EXD2: variants seen among roughly 807,000 people sequenced by gnomAD.
The protein encoded by EXD2 is exonuclease 3'-5' domain-containing protein 2.
Under a neutral mutation model 62.5 loss-of-function variants are expected in EXD2, and 40 were observed. The observed-to-expected ratio is 0.64, with a 90% CI of 0.50 to 0.83. The LOEUF (loss-of-function observed/expected upper bound fraction) is 0.83. Ranked by LOEUF, EXD2 falls within the 40% of genes least tolerant of loss-of-function variation. The pLI, the probability that EXD2 is intolerant of heterozygous loss-of-function variation, is 0.00. For synonymous variants in EXD2, 239 were observed against 291.9 expected, an observed-to-expected ratio of 0.82 and a Z score of 1.85; for missense variants, 671 against 761.8, an observed-to-expected ratio of 0.88 and a Z score of 1.40.
Position 69,240,945 on chromosome 14 carries a change from G to T in EXD2, c.1711G>T (p.Gly571Cys). The T allele has an allele frequency of 6.2e-7, 1 of 1,613,632 alleles. No individual in the cohort carries two copies. Among genetic ancestry groups the T allele is most frequent in the Non-Finnish European group, 8.5e-7 (1 of 1,180,014 alleles). Residue 571 changes from glycine (G) to cysteine (C), a missense_variant, in exon 10 of 10, where the codon GGC (glycine) becomes TGC (cysteine). Coordinates refer to ENST00000685843, the MANE Select transcript of EXD2 (RefSeq NM_001193360.2). The part of the protein sequence containing the change: ...LKVVQCHSQG[G>C]LRSLMQLESR... ...GGTGGTGCAGTGTCACAGCCAGGGT[G>T]GCCTGCGCTCCCTCATGCAGCTGGA...
chr14:69,237,111 T>C (rs567539993), intron 8 of EXD2, among the ~76,000 whole-genome samples: 1 of 152,344 alleles, frequency 6.6e-6, no homozygotes, highest in South Asian at 2.1e-4. Flanking sequence ...CCTGAGAGCT[T>C]AGTTCTCCTT....
intron 3 of EXD2, among the ~76,000 whole-genome samples, chr14:69,221,674 G>T (rs1277829135): frequency 2.0e-5 from 3 of 151,876 alleles, no homozygotes; most frequent in African/African-American, 7.3e-5. Context: ...AGGCTAAGGT[G>T]GTAGGATGGC....
chr14:69,241,164 T>C lies in EXD2; in HGVS notation c.*64T>C. ...GAGCCAAGGTTGAAGAGTCACCTCT[T>C]CCCATTTTAGTACATCATTAATTGT... is the stretch of plus-strand genomic sequence containing the variant. On this transcript the variant is annotated 3_prime_UTR_variant, in exon 10 of 10. Coordinates refer to ENST00000685843, the MANE Select transcript of EXD2 (RefSeq NM_001193360.2). 2.9e-6 allele frequency: 4 copies of C among 1,383,282 alleles called. No homozygotes were observed. In the South Asian group the frequency reaches 5.0e-5, roughly 17 times the overall value. The allele number at this position is 1,383,282 out of a possible 1,614,324, so 85.7% of individuals were successfully genotyped here.
chr14:69,231,188 ATAACT>A (rs2043564935), intron 5 of EXD2, among the ~76,000 whole-genome samples: 1 of 152,204 alleles, frequency 6.6e-6, no homozygotes, highest in African/African-American at 2.4e-5. Context: ...TGTAGGAGTT[ATAACT>A]TATTTTAAGA....
At position 69,230,520 on chromosome 14, in the gene EXD2, T is replaced by G; in HGVS notation, c.639T>G (p.Thr213=). Residue 213 remains threonine, a synonymous_variant, in exon 5 of 10, where the codon ACT becomes ACG. Transcript: ENST00000685843. ...TTAGCCTGAAGTCCCTCGCTGAGACTGTTTTGAACTTTCCCCTTGACAAGT... is the reference window on the plus strand; with the variant it reads ...TTAGCCTGAAGTCCCTCGCTGAGACGGTTTTGAACTTTCCCCTTGACAAGT... ...NGLSLKSLAE[T]VLNFPLDKSL... The G allele has an allele frequency of 6.2e-7, 1 of 1,613,986 alleles. No homozygotes were observed. The highest frequency in any genetic ancestry group is 8.5e-7 in the Non-Finnish European group (1 of 1,179,918).
rs1240457478 is a variant in EXD2, at chr14:69,206,464, T to C, written c.-48+2464T>C. Among the ~76,000 whole-genome samples the C allele has an allele frequency of 2.2e-4, 12 of 54,364 alleles. 1 individual carries two copies. Among genetic ancestry groups the C allele is most frequent in the South Asian group, 1.2e-3 (1 of 850 alleles). 35.7% of individuals were successfully genotyped at this position (54,364 alleles called of 152,430 possible). A position where few individuals can be genotyped will look rare whatever the true frequency, so the allele number is the denominator to read the frequency against. On this transcript the variant is annotated intron_variant, in intron 2 of 9. Coordinates refer to ENST00000685843, the MANE Select transcript of EXD2 (RefSeq NM_001193360.2). ...ATCTCCCACCCACCCACTTTTTTTT[T>C]TTTTTTTTTTTTTTTTTTTTTTGAG...
chr14:69,196,280 G>A (rs1402699449), intron 1 of EXD2: 5 of 152,172 alleles, frequency 3.3e-5, no homozygotes, highest in South Asian at 4.1e-4. Flanking sequence ...TTACATCTGC[G>A]AAGACCCTAT....
chr14:69,206,843 G>A (rs1249734450), intron 2 of EXD2, among the ~76,000 whole-genome samples: 9 of 152,064 alleles, frequency 5.9e-5, no homozygotes, highest in African/African-American at 1.9e-4. Context: ...TCTTTCTTTT[G>A]GGGGCTTAAC....
At chr14:69,205,549 T>A (rs533384594) in intron 2 of EXD2, among the ~76,000 whole-genome samples, 1 of 152,350 alleles carries the variant, frequency 6.6e-6, no homozygotes, top group South Asian at 2.1e-4. Flanking sequence ...TAGTTATTAT[T>A]TTCATTAATA....
intron 2 of EXD2, among the ~76,000 whole-genome samples, chr14:69,205,960 C>T (rs1375650256): frequency 1.3e-5 from 2 of 151,880 alleles, no homozygotes; most frequent in Admixed American, 6.6e-5. Context: ...ACTCTGTTGC[C>T]CAGGTTGGAG....
chr14:69,194,844 T>C (rs905387250), intron 1 of EXD2, among the ~76,000 whole-genome samples: 3 of 152,258 alleles, frequency 2.0e-5, no homozygotes, highest in Admixed American at 1.3e-4. Flanking sequence ...TGTACTCTCA[T>C]TTAAAAAACA....
chr14:69,230,651 A>G (rs958650609), intron 5 of EXD2, 53 bp downstream of exon 5: 3 of 1,544,474 alleles, frequency 1.9e-6, no homozygotes, highest in Non-Finnish European at 2.6e-6. Context: ...TCTGAAGTAT[A>G]ACTGTTTATA....
In EXD2 at chr14:69,236,600, G is replaced by A. The variant is rs75902734; in HGVS notation, c.1292+58G>A. The A allele has an allele frequency of 3.4e-4, 545 of 1,610,844 alleles. 2 individuals carry two copies. In the African/African-American group the frequency reaches 6.9e-3, roughly 20 times the overall value. ...GTGGCAGATGGAAATTGCTTTTGTA[G>A]CCATATGCAGAGCCTTTGGGGGCTG... On this transcript the variant is annotated intron_variant, in intron 8 of 9. Transcript: ENST00000685843.
At chr14:69,220,258 T>G (rs893146158) in intron 3 of EXD2, among the ~76,000 whole-genome samples, 2 of 31,198 alleles carry the variant, frequency 6.4e-5, no homozygotes, top group Non-Finnish European at 1.2e-4. Flanking sequence ...TCTCTGTTTT[T>G]TTTTTTTTTT....
chr14:69,222,576 C>T (rs921751164), intron 3 of EXD2, among the ~76,000 whole-genome samples: 1 of 152,144 alleles, frequency 6.6e-6, no homozygotes, highest in African/African-American at 2.4e-5. Flanking sequence ...TCCTGTTTTA[C>T]CTGATATCTA....
At chr14:69,201,470 T>G (rs575115037) in intron 1 of EXD2, among the ~76,000 whole-genome samples, 2 of 152,170 alleles carry the variant, frequency 1.3e-5, no homozygotes, top group Admixed American at 6.5e-5. Context: ...ATTACAGGCA[T>G]GAGCCACTGT....
chr14:69,226,356 A>G (rs1162657845), intron 3 of EXD2, among the ~76,000 whole-genome samples: 1 of 152,216 alleles, frequency 6.6e-6, no homozygotes, highest in East Asian at 1.9e-4. Flanking sequence ...TCGTGTGAGG[A>G]TACGAAAATA....
At chr14:69,232,247 A>T (rs2140018325) in intron 5 of EXD2, among the ~76,000 whole-genome samples, 1 of 152,292 alleles carries the variant, frequency 6.6e-6, no homozygotes, top group East Asian at 1.9e-4. Context: ...TGTGCTGTAA[A>T]GGAGGAGATC....
At chr14:69,232,729 C>T (rs1157641619) in intron 5 of EXD2, among the ~76,000 whole-genome samples, 1 of 152,124 alleles carries the variant, frequency 6.6e-6, no homozygotes, top group East Asian at 1.9e-4. Context: ...ATCCTTTGCC[C>T]ATGTTTTAAT....
Sources: allele counts gnomAD v4.1 joint callset (sites outside exome capture counted in the v4.1 genomes callset), GRCh38; gene constraint gnomAD v4.1.1; transcripts MANE v1.5; gene names NCBI Gene and HGNC (gene_info 2026-07-23, HGNC 2026-07-21).